The following MIOS variants were observed in gnomAD, a reference collection of about 807,000 sequenced individuals.
The protein encoded by MIOS is GATOR2 complex protein MIOS.
In MIOS, 52 loss-of-function variants were observed where a neutral mutation model predicts 96.9. The ratio of observed to expected loss-of-function variants is 0.54; its 90% confidence interval spans 0.43 to 0.68. The LOEUF is 0.68. MIOS is among the 30% of genes least tolerant of loss of function. The pLI is 0.00. For synonymous variants in MIOS, 397 were observed against 359.5 expected (o/e 1.10, Z -1.18); for missense variants, 1,005 against 1,052.8 (o/e 0.95, Z 0.63).
intron 7 of MIOS, among the ~76,000 whole-genome samples, chr7:7,587,003 T>TG (rs61450074): frequency 0.05 from 6,932 of 138,770 alleles, 350 homozygotes; most frequent in African/African-American, 0.15. Context: ...TTTTTTTTTT[T>TG]TTTTTGTTGT....
chr7:7,589,595 A>G (rs778607749), intron 9 of MIOS, 32 bp downstream of exon 9: 1 of 1,572,584 alleles, frequency 6.4e-7, no homozygotes, highest in Non-Finnish European at 8.6e-7. Flanking sequence ...CTTTTAAAAA[A>G]GTAACAATAT....
At chr7:7,596,189 A>G in intron 10 of MIOS, 68 bp from the exon 11 acceptor site, 1 of 1,342,596 alleles carries the variant, frequency 7.4e-7, no homozygotes, top group Non-Finnish European at 1.0e-6. Flanking sequence ...TGTTAGGCGC[A>G]CACTAAGTTA....
chr7:7,581,142 C>G (rs1361251085), intron 5 of MIOS, among the ~76,000 whole-genome samples: 1 of 150,442 alleles, frequency 6.6e-6, no homozygotes, highest in East Asian at 2.0e-4. Flanking sequence ...GCCAACATGG[C>G]GAAACCCGGT....
intron 11 of MIOS, chr7:7,605,386 C>T (rs768311572): frequency 6.6e-6 from 1 of 152,116 alleles, no homozygotes; most frequent in Non-Finnish European, 1.5e-5. Flanking sequence ...CCTCCAATCC[C>T]CAGATTTAAG....
At chr7:7,576,667 T>A (rs769758235) in intron 5 of MIOS, among the ~76,000 whole-genome samples, 1 of 152,152 alleles carries the variant, frequency 6.6e-6, no homozygotes, top group Non-Finnish European at 1.5e-5. Flanking sequence ...TTAGGGAGAT[T>A]CATCTTGTAA....
Position 7,573,666 on chromosome 7 carries a change from G to C in MIOS, c.1191G>C (p.Arg397=), listed in dbSNP as rs1484618409. ...ATATAGCAACGAAGATGCGTCTTCGGGCTTTATCAAGGTATGGACTTGATA... is the reference window on the plus strand; with the variant it reads ...ATATAGCAACGAAGATGCGTCTTCGCGCTTTATCAAGGTATGGACTTGATA... ...EKDIATKMRL[R]ALSRYGLDTE... is the part of the protein sequence containing the mutation. Residue 397 remains arginine, a synonymous_variant, in exon 4 of 13, where the codon CGG becomes CGC. Coordinates refer to ENST00000340080, the MANE Select transcript of MIOS (RefSeq NM_019005.4). The surrounding 1 kb of genome is among the most constrained non-coding windows in gnomAD (Gnocchi z 5.0). 4 of 1,613,780 alleles carry C rather than the reference G, an allele frequency of 2.5e-6. No homozygotes were observed. Among genetic ancestry groups the C allele is most frequent in the Non-Finnish European group, 3.4e-6 (4 of 1,179,916 alleles).
At chr7:7,594,227 C>T (rs189451107) in intron 9 of MIOS, among the ~76,000 whole-genome samples, 156 of 151,952 alleles carry the variant, frequency 1.0e-3, no homozygotes, top group Non-Finnish European at 1.8e-3. Context: ...AGCAGCATCT[C>T]AGTTCACCGT....
At chr7:7,595,172 T>C in intron 10 of MIOS, 40 bp downstream of exon 10, 1 of 1,573,052 alleles carries the variant, frequency 6.4e-7, no homozygotes, top group Non-Finnish European at 8.6e-7. Context: ...TTGTAACATG[T>C]TGATGTTCAA....
rs779170837 is a variant in MIOS at position 7,606,063 on chromosome 7, T to C, written c.2523T>C (p.Ser841=). ...GTGGACATGCTGGACATATGCTTAG[T>C]TGGTTCAGGTAATCAGCACATTTCT... ...RHGGHAGHML[S]WFRDHAECPV... The change falls in exon 12 of 13, where the codon AGT becomes AGC. Residue 841 remains serine, a synonymous_variant. Coordinates refer to ENST00000340080, the MANE Select transcript of MIOS (RefSeq NM_019005.4). 3.7e-6 allele frequency: 6 copies of C among 1,613,700 alleles called. No homozygotes were observed. In the East Asian group the frequency reaches 1.3e-4, roughly 36 times the overall value.
In MIOS at chr7:7,582,965, T is replaced by C; in HGVS notation, c.1394-153T>C. On this transcript the variant is annotated intron_variant, in intron 5 of 12. Transcript: ENST00000340080. ...GTACTTAAAAACATGCAAAATATGT[T>C]GTATTTGTGGCATAGTTCATATTTA... is the stretch of plus-strand genomic sequence containing the variant. 3.5e-6 allele frequency: 3 copies of C among 863,528 alleles called. 1 individual carries two copies. The highest frequency in any genetic ancestry group is 5.1e-6 in the Non-Finnish European group (3 of 593,040). 53.5% of individuals were successfully genotyped at this position (863,528 alleles called of 1,614,324 possible). A position where few individuals can be genotyped will look rare whatever the true frequency, so the allele number is the denominator to read the frequency against.
intron 3 of MIOS, among the ~76,000 whole-genome samples, chr7:7,570,858 G>A (rs1783327985): frequency 6.6e-6 from 1 of 152,196 alleles, no homozygotes; most frequent in Admixed American, 6.5e-5. Flanking sequence ...CTCACCTCCT[G>A]CTGTGTGGCC....
At chr7:7,582,155 A>T in intron 5 of MIOS, among the ~76,000 whole-genome samples, 1 of 152,324 alleles carries the variant, frequency 6.6e-6, no homozygotes, top group Non-Finnish European at 1.5e-5. Flanking sequence ...TTGTATGTAA[A>T]TATATAAATA....
In MIOS at chr7:7,593,906, AG is replaced by A. The variant is rs374900341; in HGVS notation, c.2044-1073del. Among the ~76,000 whole-genome samples, 524 of 143,776 alleles carry A rather than the reference AG, an allele frequency of 3.6e-3. 4 individuals are homozygous for A. Among genetic ancestry groups the A allele is most frequent in the African/African-American group, 0.015 (508 of 34,326 alleles). The allele number at this position is 143,776 out of a possible 152,430, so 94.3% of individuals were successfully genotyped here. Reference sequence around the variant, plus strand: ...AAAAAAAAAAAAAAAGAAAAAGAAAAGAAAAAAAGAAAACCTAAAGCAAGCA... The same window carrying A: ...AAAAAAAAAAAAAAAGAAAAAGAAAAAAAAAAAGAAAACCTAAAGCAAGCA... On this transcript the variant is annotated intron_variant, in intron 9 of 12. Coordinates refer to ENST00000340080, the MANE Select transcript of MIOS (RefSeq NM_019005.4).
intron 5 of MIOS, 60 bp downstream of exon 5, chr7:7,574,256 C>A: frequency 1.5e-6 from 2 of 1,291,632 alleles, no homozygotes; most frequent in Non-Finnish European, 2.1e-6. Flanking sequence ...TTTTATTTTG[C>A]CCCCTGTCAT....
At chr7:7,588,172 T>C (rs2115429180) in intron 7 of MIOS, among the ~76,000 whole-genome samples, 1 of 152,328 alleles carries the variant, frequency 6.6e-6, no homozygotes, top group Middle Eastern at 3.4e-3. Flanking sequence ...GGAAAGATTA[T>C]GTGGCATCTT....
intron 3 of MIOS, among the ~76,000 whole-genome samples, chr7:7,570,327 A>T (rs1783308495): frequency 6.6e-6 from 1 of 152,144 alleles, no homozygotes; most frequent in Admixed American, 6.5e-5. Context: ...TGAGGGTGCT[A>T]GTAAGAATAT....
chr7:7,578,081 A>C (rs1404004848), intron 5 of MIOS, among the ~76,000 whole-genome samples: 1 of 152,220 alleles, frequency 6.6e-6, no homozygotes, highest in East Asian at 1.9e-4. Flanking sequence ...GTGGTTAGAA[A>C]GTAGGTCTTT....
rs889860155 is a variant in MIOS at position 7,580,762 on chromosome 7, C to T, written c.1394-2356C>T. Among the ~76,000 whole-genome samples the T allele has an allele frequency of 3.1e-4, 46 of 148,126 alleles. 1 individual carries two copies. The highest frequency in any genetic ancestry group is 2.7e-3 in the Admixed American group (40 of 14,844). ...CCCAGGCTGGTGCGATCTCGGCTCA[C>T]TGCAACCTCCGCCTCCCAGGTTTAA... On this transcript the variant is annotated intron_variant, in intron 5 of 12. Transcript: ENST00000340080.
At chr7:7,604,640 G>T (rs972316415) in intron 11 of MIOS, among the ~76,000 whole-genome samples, 1 of 151,980 alleles carries the variant, frequency 6.6e-6, no homozygotes, top group Non-Finnish European at 1.5e-5. Flanking sequence ...CTCTAGTTTC[G>T]CCTAAAGTGT....
Sources: allele counts gnomAD v4.1 joint callset (sites outside exome capture counted in the v4.1 genomes callset), GRCh38; gene constraint gnomAD v4.1.1; non-coding constraint Gnocchi (gnomAD v3.1); transcripts MANE v1.5; gene names NCBI Gene and HGNC (gene_info 2026-07-23, HGNC 2026-07-21).